MSRA: variants seen among roughly 807,000 people sequenced by gnomAD.
The protein encoded by MSRA is mitochondrial peptide methionine sulfoxide reductase.
Under a neutral mutation model 31.3 loss-of-function variants are expected in MSRA, and 54 were observed. The ratio of observed to expected loss-of-function variants is 1.73; its 90% CI spans 1.39 to 2.17. The LOEUF (loss-of-function observed/expected upper bound fraction) is 2.17, where lower values mean the gene tolerates loss of function less well. MSRA is among the 30% of genes most tolerant of loss of function. MSRA has a pLI of 0.00. For synonymous variants in MSRA, 169 were observed against 116.5 expected, an observed-to-expected ratio of 1.45 and a Z score of -2.90; for missense variants, 507 against 300.9, an observed-to-expected ratio of 1.69 and a Z score of -5.07.
At chr8:10,174,503 T>G (rs1046633906) in intron 1 of MSRA, among the ~76,000 whole-genome samples, 1 of 152,078 alleles carries the variant, frequency 6.6e-6, no homozygotes, top group Non-Finnish European at 1.5e-5. Flanking sequence ...ACTGGAGGCC[T>G]CTTCTCCCAT....
At chr8:10,263,110 T>C (rs982913044) in intron 3 of MSRA, among the ~76,000 whole-genome samples, 1 of 152,260 alleles carries the variant, frequency 6.6e-6, no homozygotes, top group Non-Finnish European at 1.5e-5. Flanking sequence ...GCCTAGTGTC[T>C]AGAAAAATTA....
intron 5 of MSRA, among the ~76,000 whole-genome samples, chr8:10,348,904 A>G (rs1399217139): frequency 6.6e-6 from 1 of 152,108 alleles, no homozygotes; most frequent in African/African-American, 2.4e-5. Flanking sequence ...GAAAGAGGGA[A>G]ACAGCCTCCC....
chr8:10,358,881 C>T (rs1039500007), intron 5 of MSRA, among the ~76,000 whole-genome samples: 1 of 152,102 alleles, frequency 6.6e-6, no homozygotes, highest in Non-Finnish European at 1.5e-5. Context: ...CGTGAGCCAC[C>T]AGCATTAGAT....
intron 1 of MSRA, among the ~76,000 whole-genome samples, chr8:10,170,283 G>A (rs116227924): frequency 0.021 from 3,233 of 152,192 alleles, 102 homozygotes; most frequent in African/African-American, 0.073. Flanking sequence ...GTGGGGCCTC[G>A]GGAGATGATT....
intron 2 of MSRA, among the ~76,000 whole-genome samples, chr8:10,243,160 G>T (rs184144856): frequency 7.9e-5 from 12 of 152,188 alleles, no homozygotes; most frequent in Non-Finnish European, 1.5e-4. Flanking sequence ...CCTTGTACGT[G>T]AAGGTTGAAG....
chr8:10,343,018 A>G (rs547408617), intron 5 of MSRA, among the ~76,000 whole-genome samples: 4 of 134,200 alleles, frequency 3.0e-5, no homozygotes, highest in South Asian at 4.9e-4. Context: ...TTGCATAAGC[A>G]TTACACACAC....
At chr8:10,207,001 G>A (rs771906635) in intron 1 of MSRA, among the ~76,000 whole-genome samples, 7 of 152,224 alleles carry the variant, frequency 4.6e-5, no homozygotes, top group African/African-American at 7.2e-5. Context: ...ATGATGCAGT[G>A]TGAAGCGTCT....
intron 5 of MSRA, among the ~76,000 whole-genome samples, chr8:10,325,927 G>A (rs1006103317): frequency 6.6e-6 from 1 of 152,156 alleles, no homozygotes; most frequent in African/African-American, 2.4e-5. Context: ...AACACTCCTG[G>A]ATTATGGTCT....
chr8:10,354,800 A>G (rs1804414369), intron 5 of MSRA, among the ~76,000 whole-genome samples: 1 of 147,214 alleles, frequency 6.8e-6, no homozygotes, highest in African/African-American at 2.5e-5. Flanking sequence ...ATAAAATGTT[A>G]TTTTATTGTT....
chr8:10,186,629 T>C (rs1807079744), intron 1 of MSRA, among the ~76,000 whole-genome samples: 1 of 152,206 alleles, frequency 6.6e-6, no homozygotes, highest in African/African-American at 2.4e-5. Context: ...AAATCATCAC[T>C]GTGTTAGTTC....
intron 1 of MSRA, among the ~76,000 whole-genome samples, chr8:10,091,361 A>C (rs1191458045): frequency 6.6e-6 from 1 of 152,242 alleles, no homozygotes. Context: ...AATTATGTGC[A>C]TTGCCTCACA....
At chr8:10,196,215 A>G (rs182364186) in intron 1 of MSRA, among the ~76,000 whole-genome samples, 107 of 152,336 alleles carry the variant, frequency 7.0e-4, no homozygotes, top group Admixed American at 6.9e-3. Flanking sequence ...TGTGCTGTAT[A>G]CTGTGGAGCT....
rs35087026 is a variant in MSRA, at chr8:10,390,103, C to T, written c.544-38045C>T. On this transcript the variant is annotated intron_variant, in intron 5 of 5. Transcript: ENST00000317173. ...CACTGTTGCCACCTGTGCCACATTC[C>T]CCGTGAGATCTGACATCCCCTCTCT... is the stretch of plus-strand genomic sequence containing the variant. Among the ~76,000 whole-genome samples, 659 of 152,324 alleles carry T rather than the reference C, an allele frequency of 4.3e-3. 11 individuals carry two copies. The East Asian group carries it at 0.081, about 19-fold the overall frequency.
At chr8:10,066,709 A>T (rs554335000) in intron 1 of MSRA, among the ~76,000 whole-genome samples, 1 of 151,746 alleles carries the variant, frequency 6.6e-6, no homozygotes, top group East Asian at 1.9e-4. Context: ...ATTTTTTTGT[A>T]TTTTTAGTAG....
rs774034241 is a variant in MSRA, at chr8:10,339,531, CTTTTTTTTTTT to C, written c.543+19558_543+19568del. Among the ~76,000 whole-genome samples the C allele has an allele frequency of 8.7e-4, 63 of 72,806 alleles. 1 individual carries two copies. Among genetic ancestry groups the C allele is most frequent in the South Asian group, 1.2e-3 (3 of 2,406 alleles). 47.8% of individuals were successfully genotyped at this position (72,806 alleles called of 152,430 possible). ...GTTAAGCAAGGGGTTTTCTTTCTTT[CTTTTTTTTTTT>C]TTTTTTTTTTTTTTTCTGAGACGGA... On this transcript the variant is annotated intron_variant, in intron 5 of 5. Transcript: ENST00000317173.
intron 1 of MSRA, among the ~76,000 whole-genome samples, chr8:10,136,211 T>G (rs970426496): frequency 6.6e-6 from 1 of 152,286 alleles, no homozygotes; most frequent in South Asian, 2.1e-4. Context: ...AGCTCTGCGG[T>G]GCAGAGAGGC....
intron 1 of MSRA, among the ~76,000 whole-genome samples, chr8:10,180,137 A>C (rs116337698): frequency 2.0e-5 from 3 of 152,172 alleles, no homozygotes; most frequent in African/African-American, 7.2e-5. Context: ...TGTCACCTGC[A>C]CTTCTCTCTG....
chr8:10,065,840 C>T (rs1490149563), intron 1 of MSRA, among the ~76,000 whole-genome samples: 1 of 152,044 alleles, frequency 6.6e-6, no homozygotes, highest in African/African-American at 2.4e-5. Context: ...CACAGTCGCC[C>T]TGCTATCAGC....
rs114871090 is a variant in MSRA at position 10,293,120 on chromosome 8, G to A, written c.332-8414G>A. Among the ~76,000 whole-genome samples the A allele has an allele frequency of 5.2e-3, 797 of 152,260 alleles. 9 individuals carry two copies. Among genetic ancestry groups the A allele is most frequent in the African/African-American group, 0.019 (771 of 41,544 alleles). ...GGAGCATTTACCCCAATGGCCAAGGGTGGCTGCAATGCTGACATGAGTCTA... is the reference window on the plus strand; with the variant it reads ...GGAGCATTTACCCCAATGGCCAAGGATGGCTGCAATGCTGACATGAGTCTA... On this transcript the variant is annotated intron_variant, in intron 3 of 5. Transcript: ENST00000317173.
Sources: allele counts gnomAD v4.1 joint callset (sites outside exome capture counted in the v4.1 genomes callset), GRCh38; gene constraint gnomAD v4.1.1; transcripts MANE v1.5; gene names NCBI Gene and HGNC (gene_info 2026-07-23, HGNC 2026-07-21).